The following ARHGEF9 variants were observed in gnomAD, a reference collection of about 807,000 sequenced individuals.
ARHGEF9 encodes rho guanine nucleotide exchange factor 9.
In ARHGEF9, 2 loss-of-function variants were observed where a neutral mutation model predicts 41.3. The observed-to-expected ratio is 0.05, with a 90% CI of 0.02 to 0.15. The LOEUF (loss-of-function observed/expected upper bound fraction) is 0.15, where lower values mean the gene tolerates loss of function less well. Among genes scored for constraint, ARHGEF9 ranks in the 10% least tolerant of loss-of-function variants. ARHGEF9 has a pLI of 1.00. For synonymous variants in ARHGEF9, 160 were observed against 154.4 expected, an observed-to-expected ratio of 1.04 and a Z score of -0.27; for missense variants, 225 against 424.7, an observed-to-expected ratio of 0.53 and a Z score of 4.13.
In ARHGEF9 at chrX:63,724,754, C is replaced by T. The variant is rs55960280; in HGVS notation, c.31-43G>A. On this transcript the variant is annotated intron_variant, in intron 1 of 9. Coordinates refer to ENST00000671741, the MANE Select transcript of ARHGEF9 (RefSeq NM_001353921.2). ...GAATGTGTTCAGTCCACACAGCTAC[C>T]TTGCTTGCCCCTTCCCCCACCCACA... 3.3e-3 allele frequency: 3,845 copies of T among 1,158,992 alleles called. 8 individuals are homozygous for T. The highest frequency in any genetic ancestry group is 3.7e-3 in the Non-Finnish European group (3,156 of 850,631).
chrX:63,781,719 A>C (rs1469357950), intron 1 of ARHGEF9, among the ~76,000 whole-genome samples: 1 of 111,852 alleles, frequency 8.9e-6, no homozygotes, highest in African/African-American at 3.3e-5. Context: ...TTTAAGTCAG[A>C]TCATGTCCCT....
At chrX:63,661,518 T>C (rs1163503228) in intron 7 of ARHGEF9, among the ~76,000 whole-genome samples, 18 of 110,622 alleles carry the variant, frequency 1.6e-4, no homozygotes, top group African/African-American at 5.6e-4. Context: ...ATAAAACACA[T>C]CAAAAACTAA....
Position 63,706,340 on chromosome X carries a change from C to T in ARHGEF9, c.320G>A (p.Arg107Gln), listed in dbSNP as rs376362835. The T allele has an allele frequency of 2.5e-6, 3 of 1,205,098 alleles. No individual in the cohort carries two copies. Among genetic ancestry groups the T allele is most frequent in the East Asian group, 3.0e-5 (1 of 33,535 alleles). The change falls in exon 3 of 10, where the codon CGG becomes CAG. Residue 107 changes from arginine (R) to glutamine (Q), a missense_variant. This residue lies in a region of ARHGEF9 where 114 missense variants were observed against 197.9 expected (regional missense o/e 0.58). Coordinates refer to ENST00000671741, the MANE Select transcript of ARHGEF9 (RefSeq NM_001353921.2). Reference protein sequence around the residue: ...CLCLGRPLQNRDQMRANVINE... With the variant: ...CLCLGRPLQNQDQMRANVINE... Reference sequence around the variant, plus strand: ...GATGACATTGGCCCGCATCTGGTCCCGGTTCTGTAGTGGCCGCCCCAGACA... The same window carrying T: ...GATGACATTGGCCCGCATCTGGTCCTGGTTCTGTAGTGGCCGCCCCAGACA...
chrX:63,679,793 T>C (rs1178351506), intron 4 of ARHGEF9, among the ~76,000 whole-genome samples: 1 of 112,102 alleles, frequency 8.9e-6, no homozygotes, highest in Non-Finnish European at 1.9e-5. Flanking sequence ...CAAAGATGCC[T>C]GTTCTCACCA....
intron 1 of ARHGEF9, among the ~76,000 whole-genome samples, chrX:63,745,026 A>C (rs1165979097): frequency 9.5e-6 from 1 of 105,149 alleles, no homozygotes; most frequent in Non-Finnish European, 1.9e-5. Context: ...TGCACAATTC[A>C]CAGAGGGAGG....
rs563310566 is a variant in ARHGEF9 at position 63,768,075 on chromosome X, C to A, written c.30+17041G>T. Among the ~76,000 whole-genome samples the A allele has an allele frequency of 6.3e-5, 7 of 111,777 alleles. No homozygotes were observed. In the South Asian group the frequency reaches 1.5e-3, roughly 24 times the overall value. On this transcript the variant is annotated intron_variant, in intron 1 of 9. Coordinates refer to ENST00000671741, the MANE Select transcript of ARHGEF9 (RefSeq NM_001353921.2). ...GTGGTGAAGTCAGATTTTAGTGCAC[C>A]AGCCACCCAAGTATTGTACATTGTA...
intron 6 of ARHGEF9, 100 bp downstream of exon 6, chrX:63,673,938 C>T (rs1357022445): frequency 1.9e-6 from 2 of 1,040,322 alleles, no homozygotes; most frequent in East Asian, 3.1e-5. Flanking sequence ...CTTACTGTTG[C>T]TCTTCAAATG....
intron 1 of ARHGEF9, among the ~76,000 whole-genome samples, chrX:63,736,265 G>T (rs2054610580): frequency 8.9e-6 from 1 of 111,995 alleles, no homozygotes; most frequent in Admixed American, 9.5e-5. Context: ...AAGTGGTTGT[G>T]CTTGTAACAA....
rs1160144388 is a variant in ARHGEF9 at position 63,647,106 on chromosome X, C to T, written c.1322-3058G>A. Among the ~76,000 whole-genome samples, 9 of 111,745 alleles carry T rather than the reference C, an allele frequency of 8.1e-5. No individual in the cohort carries two copies. The East Asian group carries it at 2.5e-3, about 31-fold the overall frequency. On this transcript the variant is annotated intron_variant, in intron 8 of 9. Transcript: ENST00000671741. ...GTATCCTGAGACTTTGCTGAAGTTG[C>T]TTATCAGTTTAAGGAGATTTTGGCC...
chrX:63,681,451 C>T (rs56259331), intron 4 of ARHGEF9, among the ~76,000 whole-genome samples: 6,587 of 111,632 alleles, frequency 0.059, 212 homozygotes, highest in Non-Finnish European at 0.095. Flanking sequence ...AGGAAGAAAA[C>T]TAGAACATTC....
chrX:63,654,781 G>A (rs782290952), intron 8 of ARHGEF9, among the ~76,000 whole-genome samples: 8 of 111,751 alleles, frequency 7.2e-5, no homozygotes, highest in African/African-American at 1.9e-4. Context: ...AAGTCTGGTT[G>A]CTTGGTATTT....
intron 1 of ARHGEF9, among the ~76,000 whole-genome samples, chrX:63,736,821 A>G (rs1556423299): frequency 8.9e-6 from 1 of 112,032 alleles, no homozygotes; most frequent in Admixed American, 9.4e-5. Flanking sequence ...TCAAATATAC[A>G]CAATAAAATT....
At chrX:63,654,070 G>A (rs782488422) in intron 8 of ARHGEF9, among the ~76,000 whole-genome samples, 1 of 102,705 alleles carries the variant, frequency 9.7e-6, no homozygotes, top group East Asian at 3.0e-4. Flanking sequence ...TACTGAGTAT[G>A]TTCATGTGTT....
At chrX:63,694,873 G>A (rs782001791) in intron 4 of ARHGEF9, among the ~76,000 whole-genome samples, 6 of 111,710 alleles carry the variant, frequency 5.4e-5, no homozygotes, top group Admixed American at 9.5e-5. Context: ...TTATATCTAC[G>A]TAAAGCTGAT....
At chrX:63,721,409 C>T (rs1159551020) in intron 2 of ARHGEF9, among the ~76,000 whole-genome samples, 7 of 110,978 alleles carry the variant, frequency 6.3e-5, no homozygotes, top group African/African-American at 2.3e-4. Flanking sequence ...CTCCTGATGA[C>T]ACCTCAGCAA....
At chrX:63,769,451 C>T (rs1389546447) in intron 1 of ARHGEF9, among the ~76,000 whole-genome samples, 2 of 111,393 alleles carry the variant, frequency 1.8e-5, no homozygotes, top group Admixed American at 9.5e-5. Flanking sequence ...AAAAAAAAAT[C>T]CCATTTTCTA....
chrX:63,678,211 G>T, intron 5 of ARHGEF9, 129 bp downstream of exon 5: 1 of 591,704 alleles, frequency 1.7e-6, no homozygotes, highest in Non-Finnish European at 2.8e-6. Flanking sequence ...AGGCAATCAA[G>T]AATGTATCAT....
At chrX:63,758,474 C>T (rs782005199) in intron 1 of ARHGEF9, among the ~76,000 whole-genome samples, 3 of 112,800 alleles carry the variant, frequency 2.7e-5, no homozygotes, top group Admixed American at 9.3e-5. Flanking sequence ...AATAGCTCCT[C>T]GGCGCATTTA....
chrX:63,682,402 C>T (rs1425699574), intron 4 of ARHGEF9, among the ~76,000 whole-genome samples: 2 of 109,666 alleles, frequency 1.8e-5, no homozygotes, highest in African/African-American at 3.3e-5. Context: ...GTAGTCCCAG[C>T]TACTTGGGAG....
Sources: gnomAD v4.1 joint callset for allele counts (sites outside exome capture counted in the v4.1 genomes callset) on GRCh38, gnomAD v4.1.1 for gene constraint, gnomAD v4.1.1 regional missense constraint, MANE v1.5 for transcripts, NCBI Gene and HGNC (gene_info 2026-07-23, HGNC 2026-07-21) for gene names.